Variants in SLC24A2 observed in about 807,000 individuals in gnomAD.
SLC24A2 encodes the protein sodium/potassium/calcium exchanger 2.
In SLC24A2, 36 loss-of-function variants were observed where a neutral mutation model predicts 62.0. The ratio of observed to expected loss-of-function variants is 0.58; its 90% CI spans 0.44 to 0.77. The LOEUF is 0.77. SLC24A2 is among the 30% of genes least tolerant of loss of function. The probability of loss-of-function intolerance (pLI) is 0.00; values close to 1 mark genes in which losing one functional copy is unlikely to be tolerated. For missense variants in SLC24A2, 846 were observed against 817.9 expected (o/e 1.03, Z -0.42); for synonymous variants, 358 against 294.0 (o/e 1.22, Z -2.23).
chr9:19,958,190 G>C, the SLC24A2 span: 1 of 152,098 alleles, frequency 6.6e-6, no homozygotes, highest in Non-Finnish European at 1.5e-5. Context: ...CGTGGGGAGG[G>C]ATATCTTGCC....
At chr9:20,195,614 C>G in the SLC24A2 span, among the ~76,000 whole-genome samples, 1 of 152,194 alleles carries the variant, frequency 6.6e-6, no homozygotes, top group African/African-American at 2.4e-5. Context: ...GCAAAAATCT[C>G]CTACTTTTCT....
At chr9:19,795,687 A>C in the SLC24A2 span, among the ~76,000 whole-genome samples, 266 of 151,872 alleles carry the variant, frequency 1.8e-3, 1 homozygote, top group African/African-American at 5.6e-3. Context: ...GAAGAGGTGG[A>C]TTTCTTCCTC....
At chr9:19,873,639 G>A in the SLC24A2 span, among the ~76,000 whole-genome samples, 1 of 150,096 alleles carries the variant, frequency 6.7e-6, no homozygotes, top group Non-Finnish European at 1.5e-5. Flanking sequence ...TCTAGAGACA[G>A]GGTCTCATAT....
chr9:19,589,236 G>T, intron 5 of SLC24A2, among the ~76,000 whole-genome samples: 1 of 152,142 alleles, frequency 6.6e-6, no homozygotes, highest in East Asian at 1.9e-4. Flanking sequence ...TGTTCAACAG[G>T]GTACTGATTG....
chr9:19,594,699 C>T (rs1413850238), intron 5 of SLC24A2, among the ~76,000 whole-genome samples: 2 of 152,198 alleles, frequency 1.3e-5, no homozygotes, highest in Non-Finnish European at 2.9e-5. Flanking sequence ...CTAGCTAGTC[C>T]ACAGTTATTG....
intron 2 of SLC24A2, among the ~76,000 whole-genome samples, chr9:19,707,500 C>T (rs1019264271): frequency 2.0e-5 from 3 of 152,150 alleles, no homozygotes; most frequent in Admixed American, 2.0e-4. Flanking sequence ...ATGCAAAAAT[C>T]CTCAATAAAA....
rs1832864367 is a variant in SLC24A2, at chr9:19,514,854, A to G, written c.*1299T>C. On this transcript the variant is annotated 3_prime_UTR_variant, in exon 11 of 11. Transcript: ENST00000341998. Reference sequence around the variant, plus strand: ...CACTGAGTGTGCAAATGCCTTTCCAAGCATCGCTAAGTTGCCTCAACCCAA... The same window carrying G: ...CACTGAGTGTGCAAATGCCTTTCCAGGCATCGCTAAGTTGCCTCAACCCAA... 1 of 152,224 alleles carries G rather than the reference A, an allele frequency of 6.6e-6. No homozygotes were observed. The highest frequency in any genetic ancestry group is 1.5e-5 in the Non-Finnish European group (1 of 68,048). 9.4% of individuals were successfully genotyped at this position (152,224 alleles called of 1,614,324 possible). A position where few individuals can be genotyped will look rare whatever the true frequency, so the allele number is the denominator to read the frequency against.
At chr9:19,818,467 C>T in the SLC24A2 span, among the ~76,000 whole-genome samples, 10 of 152,100 alleles carry the variant, frequency 6.6e-5, no homozygotes, top group Non-Finnish European at 1.0e-4. Context: ...AAGACTCCCC[C>T]AGAAAGCTCC....
Position 19,786,731 on chromosome 9 carries a change from G to A in SLC24A2, c.136C>T (p.Leu46=). ...AATGAGACAGTGCTAATGGCTACCA[G>A]ACCCATGAAAAGGCCTAAGACTCGA... The part of the protein sequence containing the change: ...LIRVLGLFMG[L]VAISTVSFSI... The change falls in exon 2 of 11, where the codon CTG becomes TTG. Residue 46 remains leucine, a synonymous_variant. Transcript: ENST00000341998. This position sits in a 1 kb window ranked among gnomAD's most constrained non-coding sequence, Gnocchi z 5.0. 6.2e-7 allele frequency: 1 copy of A among 1,606,314 alleles called. No individual in the cohort carries two copies. The highest frequency in any genetic ancestry group is 8.5e-7 in the Non-Finnish European group (1 of 1,175,566).
the SLC24A2 span, among the ~76,000 whole-genome samples, chr9:19,878,133 T>A: frequency 6.6e-6 from 1 of 152,134 alleles, no homozygotes; most frequent in Non-Finnish European, 1.5e-5. Flanking sequence ...TCTTACTTTT[T>A]TTTTGGAATG....
chr9:19,588,341 T>C (rs1836437697), intron 5 of SLC24A2, among the ~76,000 whole-genome samples: 1 of 152,070 alleles, frequency 6.6e-6, no homozygotes, highest in African/African-American at 2.4e-5. Context: ...CTGTGCACAG[T>C]AGGGGCTCTC....
At chr9:19,589,601 GGTCT>G (rs1226405039) in intron 5 of SLC24A2, among the ~76,000 whole-genome samples, 1 of 152,046 alleles carries the variant, frequency 6.6e-6, no homozygotes, top group African/African-American at 2.4e-5. Context: ...TCATTTTAAA[GGTCT>G]GTTTCACTTA....
At chr9:20,232,740 T>C in the SLC24A2 span, among the ~76,000 whole-genome samples, 1 of 152,198 alleles carries the variant, frequency 6.6e-6, no homozygotes. Context: ...TTTCCTTCAG[T>C]TCTGTTCTGA....
At chr9:20,144,969 A>C in the SLC24A2 span, among the ~76,000 whole-genome samples, 1 of 152,180 alleles carries the variant, frequency 6.6e-6, no homozygotes, top group African/African-American at 2.4e-5. Flanking sequence ...TAGACTTTTG[A>C]GTTTAAAGAT....
At chr9:19,636,315 T>TTTTCTTTTCTTTC in intron 2 of SLC24A2, among the ~76,000 whole-genome samples, 145 of 40,034 alleles carry the variant, frequency 3.6e-3, no homozygotes, top group Non-Finnish European at 5.2e-3. Flanking sequence ...TTTTCTTTTC[T>TTTTCTTTTCTTTC]TTTCTTTCTT....
chr9:20,023,370 T>A, the SLC24A2 span, among the ~76,000 whole-genome samples: 4 of 152,186 alleles, frequency 2.6e-5, no homozygotes, highest in Admixed American at 1.3e-4. Flanking sequence ...AACTCCATAG[T>A]GCAGTGAGCA....
chr9:20,225,094 A>T, the SLC24A2 span, among the ~76,000 whole-genome samples: 1 of 152,120 alleles, frequency 6.6e-6, no homozygotes, highest in South Asian at 2.1e-4. Context: ...TCTTCCTTAC[A>T]GGTTTTCCCT....
intron 2 of SLC24A2, among the ~76,000 whole-genome samples, chr9:19,700,137 T>A (rs7848178): frequency 6.6e-6 from 1 of 152,168 alleles, no homozygotes; most frequent in South Asian, 2.1e-4. Flanking sequence ...ACCTGAGACA[T>A]AGATAAGACA....
intron 2 of SLC24A2, among the ~76,000 whole-genome samples, chr9:19,678,623 T>A (rs1819624737): frequency 6.6e-6 from 1 of 152,236 alleles, no homozygotes; most frequent in Admixed American, 6.5e-5. Context: ...AGAAGACATC[T>A]GAAGATCTCC....
Sources: gnomAD v4.1 joint callset for allele counts (sites outside exome capture counted in the v4.1 genomes callset) on GRCh38, gnomAD v4.1.1 for gene constraint, Gnocchi (gnomAD v3.1) non-coding constraint, MANE v1.5 for transcripts, NCBI Gene and HGNC (gene_info 2026-07-23, HGNC 2026-07-21) for gene names.